Variants in MARCHF2 observed in about 807,000 individuals in gnomAD.
MARCHF2 encodes membrane associated ring-CH-type finger 2.
A neutral mutation model predicts 24.0 loss-of-function variants in MARCHF2; 22 were observed. That is an observed-to-expected ratio of 0.92 (90% CI 0.66 to 1.31). The LOEUF is 1.31. MARCHF2 is among the 50% of genes most tolerant of loss of function. The pLI, the probability that MARCHF2 is intolerant of heterozygous loss-of-function variation, is 0.00. For synonymous variants in MARCHF2, 154 were observed against 153.0 expected (o/e 1.01, Z -0.05); for missense variants, 301 against 335.3 (o/e 0.90, Z 0.80).
In MARCHF2 at chr19:8,417,748, C is replaced by CTT. The variant is rs71175853; in HGVS notation, c.-52-4011_-52-4010dup. 6.3e-4 allele frequency among the ~76,000 whole-genome samples: 17 copies of CTT among 26,872 alleles called. 1 individual carries two copies. Among genetic ancestry groups the CTT allele is most frequent in the African/African-American group, 2.0e-3 (13 of 6,618 alleles). 17.6% of individuals were successfully genotyped at this position (26,872 alleles called of 152,430 possible). A position where few individuals can be genotyped will look rare whatever the true frequency, so the allele number is the denominator to read the frequency against. On this transcript the variant is annotated intron_variant, in intron 1 of 4. Transcript: ENST00000215555. ...CCACTACGCCCGGCCAATACCCTGTCTTTTTTTTTTTTTTTTTTTTTTTTT... is the reference window on the plus strand; with the variant it reads ...CCACTACGCCCGGCCAATACCCTGTCTTTTTTTTTTTTTTTTTTTTTTTTTTT...
rs1488103650 is a variant in MARCHF2, at chr19:8,415,727, AAAAAAAACAAAAAAAAC to A, written c.-53+2315_-53+2331del. Among the ~76,000 whole-genome samples the A allele has an allele frequency of 7.6e-4, 73 of 95,646 alleles. 9 individuals are homozygous for A. Among genetic ancestry groups the A allele is most frequent in the East Asian group, 2.1e-3 (4 of 1,896 alleles). 62.7% of individuals were successfully genotyped at this position (95,646 alleles called of 152,430 possible). A position where few individuals can be genotyped will look rare whatever the true frequency, so the allele number is the denominator to read the frequency against. ...CAAGAGTGAAACTCCATCTCAAAAA[AAAAAAAACAAAAAAAAC>A]AAAAAAAAAAACCAGACAAAAGAAA... On this transcript the variant is annotated intron_variant, in intron 1 of 4. Coordinates refer to ENST00000215555, the MANE Select transcript of MARCHF2 (RefSeq NM_001005415.2).
chr19:8,426,712 C>G lies in MARCHF2; in HGVS notation c.280C>G (p.Leu94Val). ...GTLGAVHKSC[L>V]EKWLSSSNTS... is the part of the protein sequence containing the mutation. Reference sequence around the variant, plus strand: ...GCTGGGTGCCGTGCATAAGAGCTGTCTGGAGAAGTGGCTTTCCTCATCTAA... The same window carrying G: ...GCTGGGTGCCGTGCATAAGAGCTGTGTGGAGAAGTGGCTTTCCTCATCTAA... The change falls in exon 3 of 5, where the codon CTG becomes GTG. Residue 94 changes from leucine (L) to valine (V), a missense_variant. Coordinates refer to ENST00000215555, the MANE Select transcript of MARCHF2 (RefSeq NM_001005415.2). The G allele has an allele frequency of 6.2e-7, 1 of 1,613,590 alleles. No homozygotes were observed. The highest frequency in any genetic ancestry group is 8.5e-7 in the Non-Finnish European group (1 of 1,180,020).
Position 8,430,311 on chromosome 19 carries a change from C to T in MARCHF2, c.373-347C>T, listed in dbSNP as rs1473599886. 1.3e-5 allele frequency among the ~76,000 whole-genome samples: 2 copies of T among 151,608 alleles called. No homozygotes were observed. Among genetic ancestry groups the T allele is most frequent in the Non-Finnish European group, 2.9e-5 (2 of 67,956 alleles). ...CTGGGATGTTGAGGTTGCAGTGAGC[C>T]GAGATCGTGCCACGGCACTCCAGCC... On this transcript the variant is annotated intron_variant, in intron 3 of 4. Transcript: ENST00000215555. The surrounding 1 kb of genome is among the most constrained non-coding windows in gnomAD (Gnocchi z 4.4).
intron 2 of MARCHF2, among the ~76,000 whole-genome samples, chr19:8,422,308 C>G (rs575064133): frequency 1.1e-4 from 16 of 152,220 alleles, no homozygotes; most frequent in Admixed American, 2.0e-4. Flanking sequence ...GGAGTGCAGG[C>G]TGTGGGCTCA....
chr19:8,435,545 T>C lies in MARCHF2; in HGVS notation c.583-2843T>C, dbSNP rs146071442. The stretch of plus-strand genomic sequence containing the variant: ...TTCACATTAGGATTCACTTCTTTTG[T>C]TTGTTTGTTTTGAGATGGTATCTCG... On this transcript the variant is annotated intron_variant, in intron 4 of 4. Coordinates refer to ENST00000215555, the MANE Select transcript of MARCHF2 (RefSeq NM_001005415.2). Among the ~76,000 whole-genome samples the C allele has an allele frequency of 3.3e-4, 50 of 151,904 alleles. 1 individual carries two copies. The East Asian group carries it at 6.6e-3, about 20-fold the overall frequency.
At chr19:8,419,666 A>AG (rs2145538686) in intron 1 of MARCHF2, among the ~76,000 whole-genome samples, 1 of 149,088 alleles carries the variant, frequency 6.7e-6, no homozygotes, top group South Asian at 2.1e-4. Flanking sequence ...AATAGAAAAA[A>AG]TTAGCCGGGC....
intron 1 of MARCHF2, among the ~76,000 whole-genome samples, chr19:8,415,412 A>C (rs1967049916): frequency 6.7e-6 from 1 of 148,970 alleles, no homozygotes; most frequent in Admixed American, 6.7e-5. Context: ...AAAAAAAAAA[A>C]CAGACAAAAG....
chr19:8,428,943 A>T (rs1270413713), intron 3 of MARCHF2, among the ~76,000 whole-genome samples: 1 of 152,078 alleles, frequency 6.6e-6, no homozygotes, highest in Non-Finnish European at 1.5e-5. Flanking sequence ...CTCAAAAAAC[A>T]AAAAACAAAA....
chr19:8,424,076 C>T (rs893647829), intron 2 of MARCHF2, among the ~76,000 whole-genome samples: 3 of 152,014 alleles, frequency 2.0e-5, no homozygotes, highest in Non-Finnish European at 2.9e-5. Flanking sequence ...TTTGTGTGAC[C>T]TCACAGTCTG....
At chr19:8,427,519 G>GA (rs71175855) in intron 3 of MARCHF2, among the ~76,000 whole-genome samples, 41,741 of 131,800 alleles carry the variant, frequency 0.32, 6,471 homozygotes, top group East Asian at 0.5. Flanking sequence ...TGAGGTTACA[G>GA]AAAAAAAAAA....
intron 2 of MARCHF2, among the ~76,000 whole-genome samples, chr19:8,422,798 G>A (rs1291286349): frequency 2.1e-5 from 3 of 141,318 alleles, no homozygotes; most frequent in Admixed American, 1.5e-4. Context: ...TCCGCCTCCC[G>A]GATTCAAGCG....
chr19:8,424,775 G>T (rs1967352044), intron 2 of MARCHF2, among the ~76,000 whole-genome samples: 1 of 152,164 alleles, frequency 6.6e-6, no homozygotes, highest in Non-Finnish European at 1.5e-5. Context: ...GGAGCTCCAG[G>T]CTTCTGTCAG....
At chr19:8,421,481 C>G (rs1967242061) in intron 1 of MARCHF2, among the ~76,000 whole-genome samples, 2 of 149,402 alleles carry the variant, frequency 1.3e-5, no homozygotes, top group Non-Finnish European at 3.0e-5. Context: ...CCCGCCTCAG[C>G]CTCCCAAAGT....
chr19:8,429,309 G>A (rs1313805935), intron 3 of MARCHF2, among the ~76,000 whole-genome samples: 1 of 151,730 alleles, frequency 6.6e-6, no homozygotes, highest in East Asian at 2.0e-4. Flanking sequence ...TCATCCACCA[G>A]AATTTCATGA....
Position 8,430,548 on chromosome 19 carries a change from AG to A in MARCHF2, c.373-109del. The A allele has an allele frequency of 5.0e-6, 4 of 798,914 alleles. No individual in the cohort carries two copies. The highest frequency in any genetic ancestry group is 3.4e-5 in the South Asian group (2 of 57,972). 49.5% of individuals were successfully genotyped at this position (798,914 alleles called of 1,614,324 possible). ...AGAATCTGTCTCAAAAAAAAAAAAA[AG>A]AAAGAAGGAAAGGACAGAGGGAGGC... On this transcript the variant is annotated intron_variant, in intron 3 of 4. Transcript: ENST00000215555. This position sits in a 1 kb window ranked among gnomAD's most constrained non-coding sequence, Gnocchi z 4.4.
At chr19:8,416,284 G>A (rs1250357832) in intron 1 of MARCHF2, among the ~76,000 whole-genome samples, 2 of 148,348 alleles carry the variant, frequency 1.3e-5, no homozygotes, top group Admixed American at 6.8e-5. Flanking sequence ...GGAGGTTGCA[G>A]TGAGCTGAGA....
chr19:8,423,351 T>A (rs1967307615), intron 2 of MARCHF2: 1 of 152,192 alleles, frequency 6.6e-6, no homozygotes, highest in Admixed American at 6.6e-5. Flanking sequence ...TGAACCACTG[T>A]GCCTGGCCTC....
intron 2 of MARCHF2, 78 bp from the exon 3 acceptor site, chr19:8,426,531 C>A: frequency 8.3e-7 from 1 of 1,211,812 alleles, no homozygotes; most frequent in South Asian, 1.3e-5. Context: ...TAAGGGTGAG[C>A]TTGTGATCCA....
chr19:8,424,316 G>T (rs1967336673), intron 2 of MARCHF2, among the ~76,000 whole-genome samples: 1 of 151,938 alleles, frequency 6.6e-6, no homozygotes, highest in Non-Finnish European at 1.5e-5. Flanking sequence ...GGTTTCTCAG[G>T]TAGCACGGGC....
Sources: allele counts gnomAD v4.1 joint callset (sites outside exome capture counted in the v4.1 genomes callset), GRCh38; gene constraint gnomAD v4.1.1; non-coding constraint Gnocchi (gnomAD v3.1); transcripts MANE v1.5; gene names NCBI Gene and HGNC (gene_info 2026-07-23, HGNC 2026-07-21).